The following EPHA6 variants were observed in gnomAD, a reference collection of about 807,000 sequenced individuals.
EPHA6 encodes the protein EPH receptor A6, also known as ephrin type-A receptor 6.
EPHA6 carries 50 observed loss-of-function variants against 112.0 expected under a neutral mutation model. The ratio of observed to expected loss-of-function variants is 0.45; its 90% CI spans 0.36 to 0.56. The LOEUF (loss-of-function observed/expected upper bound fraction) is 0.56. Ranked by LOEUF, EPHA6 falls within the 20% of genes least tolerant of loss-of-function variation. The probability of loss-of-function intolerance (pLI) is 0.00; values close to 1 mark genes in which losing one functional copy is unlikely to be tolerated. For synonymous variants in EPHA6, 529 were observed against 490.7 expected (o/e 1.08, Z -1.03); for missense variants, 1,280 against 1,417.4 (o/e 0.90, Z 1.56).
chr3:97,354,991 T>C (rs1250111366), intron 5 of EPHA6, among the ~76,000 whole-genome samples: 1 of 152,128 alleles, frequency 6.6e-6, no homozygotes, highest in Non-Finnish European at 1.5e-5. Flanking sequence ...AACAACCCTT[T>C]ATCCTGGAAT....
At chr3:97,115,151 G>A (rs1272156653) in intron 3 of EPHA6, among the ~76,000 whole-genome samples, 1 of 151,940 alleles carries the variant, frequency 6.6e-6, no homozygotes, top group Non-Finnish European at 1.5e-5. Context: ...TTAATGGATG[G>A]CTATGTAGGG....
intron 3 of EPHA6, among the ~76,000 whole-genome samples, chr3:97,162,514 G>T (rs1218338117): frequency 6.6e-6 from 1 of 152,160 alleles, no homozygotes. Context: ...CTAACTGGTA[G>T]ACCATAGCCA....
chr3:96,913,196 ACACACACACACACACAC>A (rs1164487010), intron 2 of EPHA6, among the ~76,000 whole-genome samples: 1 of 133,182 alleles, frequency 7.5e-6, no homozygotes, highest in Non-Finnish European at 1.6e-5. Flanking sequence ...ACACACACAC[ACACACACACACACACAC>A]CACACACACG....
In EPHA6 at chr3:97,203,136, TAA is replaced by T. The variant is rs560279866; in HGVS notation, c.1115-23126_1115-23125del. ...TAGAGGCTTTATTAAGCAGGGTAAG[TAA>T]ATGTAGACTCTAGAGTCTCTGCTTC... On this transcript the variant is annotated intron_variant, in intron 3 of 17. Transcript: ENST00000389672. Among the ~76,000 whole-genome samples, 3 of 152,228 alleles carry T rather than the reference TAA, an allele frequency of 2.0e-5. No individual in the cohort carries two copies. In the South Asian group the frequency reaches 6.2e-4, roughly 32 times the overall value.
chr3:96,937,330 T>A (rs1417425605), intron 2 of EPHA6, among the ~76,000 whole-genome samples: 1 of 152,182 alleles, frequency 6.6e-6, no homozygotes, highest in Non-Finnish European at 1.5e-5. Flanking sequence ...CTCATTGTGG[T>A]TTTGATTTGC....
chr3:97,424,746 C>T (rs57621788), intron 6 of EPHA6, among the ~76,000 whole-genome samples: 26 of 145,112 alleles, frequency 1.8e-4, no homozygotes, highest in African/African-American at 6.2e-4. Flanking sequence ...GCAGAGGTTG[C>T]AGTGAGCCGA....
intron 1 of EPHA6, among the ~76,000 whole-genome samples, chr3:96,863,622 T>G (rs2036135490): frequency 6.6e-6 from 1 of 152,000 alleles, no homozygotes; most frequent in Admixed American, 6.6e-5. Context: ...TTCTAAGCAT[T>G]TGCACTATAA....
chr3:97,731,821 G>T (rs913596692), intron 15 of EPHA6, among the ~76,000 whole-genome samples: 2 of 151,960 alleles, frequency 1.3e-5, no homozygotes, highest in African/African-American at 4.8e-5. Context: ...TCCAACCCGA[G>T]AATTGCTTCT....
chr3:97,735,311 A>C (rs1248503497), intron 15 of EPHA6, among the ~76,000 whole-genome samples: 1 of 152,064 alleles, frequency 6.6e-6, no homozygotes, highest in Non-Finnish European at 1.5e-5. Context: ...GCCTTAAGCT[A>C]GCCAGTGATA....
rs982831825 is a variant in EPHA6, at chr3:97,249,207, A to G, written c.1606+4920A>G. The stretch of plus-strand genomic sequence containing the variant: ...TTTGTATTTTCCATATTTCTTATAC[A>G]TAGGCAAATTATATATTCAAAAGCT... On this transcript the variant is annotated intron_variant, in intron 5 of 17. Transcript: ENST00000389672. Among the ~76,000 whole-genome samples, 5 of 152,164 alleles carry G rather than the reference A, an allele frequency of 3.3e-5. No homozygotes were observed. The East Asian group carries it at 7.7e-4, about 23-fold the overall frequency.
chr3:96,881,141 A>G (rs1293420089), intron 2 of EPHA6, among the ~76,000 whole-genome samples: 2 of 152,150 alleles, frequency 1.3e-5, no homozygotes, highest in African/African-American at 4.8e-5. Context: ...CTCATCAGCA[A>G]TGTGTGAGGG....
intron 3 of EPHA6, among the ~76,000 whole-genome samples, chr3:97,127,378 G>A (rs764555949): frequency 6.6e-6 from 1 of 152,048 alleles, no homozygotes; most frequent in Non-Finnish European, 1.5e-5. Context: ...TAGGAAATTC[G>A]TCCTAGGTTT....
At position 97,416,486 on chromosome 3, in the gene EPHA6, A is replaced by G. The variant is rs571835149; in HGVS notation, c.1731+11212A>G. On this transcript the variant is annotated intron_variant, in intron 6 of 17. Transcript: ENST00000389672. ...TGTGACAAAATGAGAAGATAAGAAGATTCTAGGTAAAGGGAACATAAGTGT... is the reference window on the plus strand; with the variant it reads ...TGTGACAAAATGAGAAGATAAGAAGGTTCTAGGTAAAGGGAACATAAGTGT... Among the ~76,000 whole-genome samples, 292 of 152,226 alleles carry G rather than the reference A, an allele frequency of 1.9e-3. 2 individuals carry two copies. Among genetic ancestry groups the G allele is most frequent in the African/African-American group, 6.7e-3 (278 of 41,564 alleles).
intron 3 of EPHA6, among the ~76,000 whole-genome samples, chr3:97,043,063 A>C (rs2045372755): frequency 6.6e-6 from 1 of 152,114 alleles, no homozygotes; most frequent in Admixed American, 6.6e-5. Flanking sequence ...CTTGTATTTT[A>C]TCTTTTTTGT....
chr3:97,512,599 C>T (rs2092384722), intron 10 of EPHA6, among the ~76,000 whole-genome samples: 1 of 152,232 alleles, frequency 6.6e-6, no homozygotes, highest in Non-Finnish European at 1.5e-5. Context: ...GAGTCTCATT[C>T]TGTCACCCAG....
At chr3:97,586,232 C>T (rs1251267941) in intron 11 of EPHA6, among the ~76,000 whole-genome samples, 1 of 152,210 alleles carries the variant, frequency 6.6e-6, no homozygotes, top group Non-Finnish European at 1.5e-5. Flanking sequence ...TCATGCATCA[C>T]AATGAGGCAG....
chr3:96,842,911 TG>T (rs2034837451), intron 1 of EPHA6, among the ~76,000 whole-genome samples: 1 of 152,126 alleles, frequency 6.6e-6, no homozygotes, highest in Non-Finnish European at 1.5e-5. Flanking sequence ...TAAATATCTA[TG>T]CCAGCTTTTC....
intron 2 of EPHA6, among the ~76,000 whole-genome samples, chr3:96,926,389 G>T (rs1322589427): frequency 2.6e-5 from 4 of 151,938 alleles, no homozygotes; most frequent in African/African-American, 9.7e-5. Context: ...TTCCATCCCT[G>T]CCCCCCTGCC....
At chr3:97,075,658 A>C (rs1182653440) in intron 3 of EPHA6, among the ~76,000 whole-genome samples, 1 of 151,682 alleles carries the variant, frequency 6.6e-6, no homozygotes, top group Non-Finnish European at 1.5e-5. Context: ...AATTATAGAC[A>C]TATCTCATTT....
Sources: allele counts gnomAD v4.1 joint callset (sites outside exome capture counted in the v4.1 genomes callset), GRCh38; gene constraint gnomAD v4.1.1; transcripts MANE v1.5; gene names NCBI Gene and HGNC (gene_info 2026-07-23, HGNC 2026-07-21).